ZFP64: variants seen among roughly 807,000 people sequenced by gnomAD.
The protein encoded by ZFP64 is zinc finger protein 64.
Under a neutral mutation model 51.6 loss-of-function variants are expected in ZFP64, and 14 were observed. That is an observed-to-expected ratio of 0.27 (90% CI 0.18 to 0.42). The LOEUF is 0.42. Ranked by LOEUF, ZFP64 falls within the 10% of genes least tolerant of loss-of-function variation. The pLI is 1.00. For missense variants in ZFP64, 754 were observed against 906.8 expected (o/e 0.83, Z 2.16); for synonymous variants, 375 against 361.4 (o/e 1.04, Z -0.43).
intron 5 of ZFP64, among the ~76,000 whole-genome samples, chr20:52,119,576 A>ACC (rs1555802579): frequency 1.5e-5 from 2 of 132,554 alleles, no homozygotes; most frequent in African/African-American, 5.9e-5. Flanking sequence ...ATACACACAC[A>ACC]ACACACACAC....
At chr20:52,089,734 C>CTG (rs1299461824) in intron 7 of ZFP64, among the ~76,000 whole-genome samples, 1 of 96,420 alleles carries the variant, frequency 1.0e-5, no homozygotes, top group East Asian at 3.1e-4. Context: ...GAGCAAGACA[C>CTG]TGTCTCAAAA....
intron 6 of ZFP64, chr20:52,098,321 A>G (rs2079014052): frequency 1.4e-6 from 2 of 1,409,430 alleles, no homozygotes; most frequent in African/African-American, 1.4e-5. Context: ...TGATGTAGAT[A>G]CTGGCATGTT....
chr20:52,104,792 C>A (rs753077765), intron 5 of ZFP64: 3 of 585,944 alleles, frequency 5.1e-6, no homozygotes, highest in African/African-American at 3.7e-5. Context: ...AAGCCCAGTG[C>A]CAAGGAGGCC....
At chr20:52,170,126 G>T (rs1982600724) in intron 2 of ZFP64, among the ~76,000 whole-genome samples, 1 of 151,822 alleles carries the variant, frequency 6.6e-6, no homozygotes, top group African/African-American at 2.4e-5. Context: ...GTCTTGGAGA[G>T]GCAGCAGGAA....
In ZFP64 at chr20:52,115,803, C is replaced by CTCTG. The variant is rs139360166; in HGVS notation, c.764-17217_764-17216insCAGA. ...TAAATTTCTCTCTCTCTCTCTCTCT[C>CTCTG]TGTGTGTGTGAACATTATGCATAGT... On this transcript the variant is annotated intron_variant, in intron 5 of 8. Coordinates refer to the ZFP64 transcript ENST00000361387. Among the ~76,000 whole-genome samples the CTCTG allele has an allele frequency of 1.4e-3, 204 of 147,242 alleles. 1 individual carries two copies. The highest frequency in any genetic ancestry group is 5.0e-3 in the African/African-American group (201 of 40,488).
intron 5 of ZFP64, chr20:52,110,962 A>C: frequency 1.3e-6 from 2 of 1,530,218 alleles, no homozygotes; most frequent in South Asian, 2.2e-5. Flanking sequence ...GAACTTCACC[A>C]AGACGAACCT....
At chr20:52,097,959 T>C (rs773971344) in intron 6 of ZFP64, among the ~76,000 whole-genome samples, 1 of 151,872 alleles carries the variant, frequency 6.6e-6, no homozygotes, top group Non-Finnish European at 1.5e-5. Context: ...TCCCAACTAC[T>C]CAGGGGGCGG....
intron 2 of ZFP64, among the ~76,000 whole-genome samples, chr20:52,183,218 G>A (rs1251899598): frequency 6.6e-6 from 1 of 152,174 alleles, no homozygotes; most frequent in African/African-American, 2.4e-5. Context: ...TTAAGGCCTT[G>A]AGGTTGAGTT....
At chr20:52,141,180 G>A (rs1980238414) in intron 5 of ZFP64, among the ~76,000 whole-genome samples, 1 of 152,212 alleles carries the variant, frequency 6.6e-6, no homozygotes, top group African/African-American at 2.4e-5. Context: ...GGAGACGAAT[G>A]TTGTTTTCAT....
intron 5 of ZFP64, among the ~76,000 whole-genome samples, chr20:52,139,913 A>T (rs1365597380): frequency 6.9e-6 from 1 of 145,114 alleles, no homozygotes; most frequent in Non-Finnish European, 1.5e-5. Context: ...TCTTACGGGC[A>T]CCATTTTTCC....
chr20:52,142,378 A>ACACACACACACGCGCG (rs1980304605), intron 5 of ZFP64, among the ~76,000 whole-genome samples: 1 of 38,350 alleles, frequency 2.6e-5, no homozygotes, highest in Admixed American at 3.6e-4. Context: ...ACACACACAG[A>ACACACACACACGCGCG]CACACACACA....
At chr20:52,119,066 G>T (rs538069258) in intron 5 of ZFP64, among the ~76,000 whole-genome samples, 1 of 152,218 alleles carries the variant, frequency 6.6e-6, no homozygotes, top group South Asian at 2.1e-4. Flanking sequence ...GATTGCTTGA[G>T]CCTGGGAGCT....
At position 52,186,937 on chromosome 20, in the gene ZFP64, C is replaced by T. The variant is rs745874925; in HGVS notation, c.181G>A (p.Ala61Thr). The T allele has an allele frequency of 8.1e-6, 13 of 1,614,082 alleles. No homozygotes were observed. The highest frequency in any genetic ancestry group is 7.7e-5 in the South Asian group (7 of 91,080). ...QSGCQLTGTSAAAPSTVQFVS... is the reference protein window; with the variant it reads ...QSGCQLTGTSTAAPSTVQFVS... Reference sequence around the variant, plus strand: ...AACTGGACCGTGCTGGGGGCTGCTGCGGATGTGCCTGTCAGCTGGCAGCCA... The same window carrying T: ...AACTGGACCGTGCTGGGGGCTGCTGTGGATGTGCCTGTCAGCTGGCAGCCA... Residue 61 changes from alanine to threonine, a missense_variant, in exon 2 of 6, where the codon GCA becomes ACA. Physicochemically the swap from Ala to Thr is moderately conservative, Grantham distance 58. Coordinates refer to ENST00000216923, the MANE Select transcript of ZFP64 (RefSeq NM_018197.3).
In ZFP64 at chr20:52,152,515, G is replaced by A. The variant is rs898657352; in HGVS notation, c.1677C>T (p.Ser559=). 4.4e-6 allele frequency: 7 copies of A among 1,604,606 alleles called. No individual in the cohort carries two copies. In the East Asian group the frequency reaches 1.1e-4, roughly 26 times the overall value. ...CCGGCTGGGTCATTGCGCCCGCCTC[G>A]CTCGGACACCGCGAGGACTGAGGGG... ...IAPPQSSRCP[S]EAGAMTQPAV... Residue 559 remains serine (S), a synonymous_variant, in exon 6 of 6, where the codon AGC becomes AGT. Coordinates refer to ENST00000216923, the MANE Select transcript of ZFP64 (RefSeq NM_018197.3).
chr20:52,113,422 CTTTTTTTTTTT>C (rs936439409), intron 5 of ZFP64, among the ~76,000 whole-genome samples: 2 of 96,528 alleles, frequency 2.1e-5, no homozygotes, highest in African/African-American at 4.1e-5. Context: ...GCCAGGAATT[CTTTTTTTTTTT>C]TTTTTTTTTT....
chr20:52,160,074 T>A lies in ZFP64; in HGVS notation c.763+49A>T. On this transcript the variant is annotated intron_variant, in intron 5 of 5. Coordinates refer to ENST00000216923, the MANE Select transcript of ZFP64 (RefSeq NM_018197.3). The surrounding 1 kb of genome is among the most constrained non-coding windows in gnomAD (Gnocchi z 4.2). The stretch of plus-strand genomic sequence containing the variant: ...AATGCTTTAAGGTGCTTATGATTTA[T>A]GCCATAGAAAGTGAGGAGCGTAGAG... The A allele has an allele frequency of 6.2e-7, 1 of 1,612,866 alleles. No individual in the cohort carries two copies. Among genetic ancestry groups the A allele is most frequent in the Non-Finnish European group, 8.5e-7 (1 of 1,179,558 alleles).
intron 5 of ZFP64, among the ~76,000 whole-genome samples, chr20:52,141,615 T>G (rs1470271594): frequency 6.6e-6 from 1 of 152,190 alleles, no homozygotes; most frequent in Non-Finnish European, 1.5e-5. Flanking sequence ...GCTGCAATCT[T>G]ATGAGAGAAC....
At chr20:52,117,307 G>A (rs1014441377) in intron 5 of ZFP64, among the ~76,000 whole-genome samples, 1 of 151,930 alleles carries the variant, frequency 6.6e-6, no homozygotes, top group African/African-American at 2.4e-5. Flanking sequence ...ACTGGCATCA[G>A]AATCTGCATT....
Position 52,085,028 on chromosome 20 carries a change from G to A in ZFP64, c.1467C>T (p.His489=), listed in dbSNP as rs1247542607. The stretch of plus-strand genomic sequence containing the variant: ...GACACTTCTCCGGGTGGTCGGCCTG[G>A]TGCAGCCGGCTGTGCTCCAGGAGGT... Residue 489 remains histidine (H), a synonymous_variant, in exon 9 of 9, where the codon CAC becomes CAT. Transcript: ENST00000361387. This position sits in a 1 kb window ranked among gnomAD's most constrained non-coding sequence, Gnocchi z 4.3. 1.3e-5 allele frequency: 21 copies of A among 1,614,100 alleles called. No homozygotes were observed. Among genetic ancestry groups the A allele is most frequent in the Non-Finnish European group, 1.8e-5 (21 of 1,180,016 alleles).
Sources: gnomAD v4.1 joint callset for allele counts (sites outside exome capture counted in the v4.1 genomes callset) on GRCh38, gnomAD v4.1.1 for gene constraint, Gnocchi (gnomAD v3.1) non-coding constraint, MANE v1.5 for transcripts, NCBI Gene and HGNC (gene_info 2026-07-23, HGNC 2026-07-21) for gene names.